PRIMA1: variants seen among roughly 807,000 people sequenced by gnomAD.
PRIMA1 encodes the protein proline-rich membrane anchor 1.
PRIMA1 carries 7 observed loss-of-function variants against 17.5 expected under a neutral mutation model. The observed-to-expected ratio is 0.40, with a 90% CI of 0.23 to 0.75. The LOEUF (loss-of-function observed/expected upper bound fraction) is 0.75. PRIMA1 is among the 30% of genes least tolerant of loss of function. The probability of loss-of-function intolerance (pLI) is 0.37; values close to 1 mark genes in which losing one functional copy is unlikely to be tolerated. For missense variants in PRIMA1, 200 were observed against 201.8 expected (o/e 0.99, Z 0.05); for synonymous variants, 97 against 77.9 (o/e 1.25, Z -1.29).
At chr14:93,775,291 G>A (rs1885179600) in intron 3 of PRIMA1, among the ~76,000 whole-genome samples, 2 of 152,224 alleles carry the variant, frequency 1.3e-5, no homozygotes, top group Non-Finnish European at 2.9e-5. Flanking sequence ...CCACTGGACT[G>A]TGAACTCCAT....
intron 3 of PRIMA1, among the ~76,000 whole-genome samples, chr14:93,751,757 A>G (rs1378277752): frequency 6.6e-6 from 1 of 152,222 alleles, no homozygotes; most frequent in African/African-American, 2.4e-5. Context: ...CTTTGTTAAA[A>G]AAGGAATAAA....
At chr14:93,759,493 G>A (rs1199843066) in intron 3 of PRIMA1, among the ~76,000 whole-genome samples, 1 of 152,090 alleles carries the variant, frequency 6.6e-6, no homozygotes, top group African/African-American at 2.4e-5. Flanking sequence ...GTGTGCGCGT[G>A]CATGTGTGCG....
chr14:93,786,749 G>T (rs74919144), intron 2 of PRIMA1, among the ~76,000 whole-genome samples: 2 of 152,026 alleles, frequency 1.3e-5, no homozygotes, highest in Admixed American at 6.6e-5. Flanking sequence ...GCAGAAGAAC[G>T]GCATTGCTAT....
chr14:93,746,726 G>A (rs1024311744), intron 3 of PRIMA1, among the ~76,000 whole-genome samples: 1 of 152,170 alleles, frequency 6.6e-6, no homozygotes, highest in African/African-American at 2.4e-5. Context: ...GCAGCGAGAT[G>A]GCGGGGCTCA....
At chr14:93,733,008 T>C (rs567166122) in intron 4 of PRIMA1, among the ~76,000 whole-genome samples, 122 of 152,246 alleles carry the variant, frequency 8.0e-4, no homozygotes, top group African/African-American at 2.8e-3. Flanking sequence ...CTGCTCTCCA[T>C]GTGGCTGTAG....
At chr14:93,753,230 G>A (rs2076271463) in intron 3 of PRIMA1, among the ~76,000 whole-genome samples, 1 of 152,228 alleles carries the variant, frequency 6.6e-6, no homozygotes. Flanking sequence ...GACATTCTGA[G>A]ATTCCAAGCC....
chr14:93,782,913 C>A (rs1039538306), intron 2 of PRIMA1, among the ~76,000 whole-genome samples: 1 of 152,340 alleles, frequency 6.6e-6, no homozygotes, highest in Admixed American at 6.5e-5. Context: ...GGTGTTCATG[C>A]AAGAACAGGA....
chr14:93,751,442 C>A (rs574926856), intron 3 of PRIMA1, among the ~76,000 whole-genome samples: 1 of 152,164 alleles, frequency 6.6e-6, no homozygotes, highest in East Asian at 1.9e-4. Context: ...AAAATTCTTG[C>A]GTTAGGGTCT....
At chr14:93,782,744 T>A (rs35410336) in intron 2 of PRIMA1, among the ~76,000 whole-genome samples, 16,540 of 152,282 alleles carry the variant, frequency 0.11, 1,126 homozygotes, top group Admixed American at 0.21. Flanking sequence ...GGTCCGTCCT[T>A]ATGCCTGACG....
intron 3 of PRIMA1, among the ~76,000 whole-genome samples, chr14:93,762,674 G>T (rs1375782276): frequency 6.6e-6 from 1 of 152,116 alleles, no homozygotes; most frequent in Non-Finnish European, 1.5e-5. Context: ...TCTCATCTCA[G>T]CACAGCAGCC....
chr14:93,733,424 T>G (rs1047200714), intron 4 of PRIMA1, among the ~76,000 whole-genome samples: 4 of 152,154 alleles, frequency 2.6e-5, no homozygotes, highest in Non-Finnish European at 4.4e-5. Context: ...TGGACACAGA[T>G]GTGAGGGCCC....
At chr14:93,774,102 A>T (rs1885141866) in intron 3 of PRIMA1, among the ~76,000 whole-genome samples, 1 of 152,132 alleles carries the variant, frequency 6.6e-6, no homozygotes, top group Non-Finnish European at 1.5e-5. Flanking sequence ...AAAAAAAAAG[A>T]AAAAAAATTC....
intron 3 of PRIMA1, among the ~76,000 whole-genome samples, chr14:93,770,469 T>G (rs1304750321): frequency 6.6e-6 from 1 of 152,174 alleles, no homozygotes; most frequent in Non-Finnish European, 1.5e-5. Flanking sequence ...GCCAGAGTGC[T>G]TCTCCACACG....
chr14:93,781,853 T>C (rs1885384452), intron 2 of PRIMA1, among the ~76,000 whole-genome samples: 1 of 151,780 alleles, frequency 6.6e-6, no homozygotes. Flanking sequence ...TGCACGCCTG[T>C]AGTCCCATCT....
At chr14:93,752,985 T>A (rs1013677102) in intron 3 of PRIMA1, among the ~76,000 whole-genome samples, 1 of 152,168 alleles carries the variant, frequency 6.6e-6, no homozygotes, top group African/African-American at 2.4e-5. Context: ...CCCTGGCCTC[T>A]ACCCACTACA....
In PRIMA1 at chr14:93,787,619, G is replaced by T. The variant is rs1282797760; in HGVS notation, c.93+7C>A. 1 of 1,540,618 alleles carries T rather than the reference G, an allele frequency of 6.5e-7. No individual in the cohort carries two copies. Among genetic ancestry groups the T allele is most frequent in the Non-Finnish European group, 8.7e-7 (1 of 1,146,772 alleles). The stretch of plus-strand genomic sequence containing the variant: ...CTCCCAGCCAGTGCGCAGCCGGCGC[G>T]TCTCACCTGCACGAAGCCCCAGAGC... On this transcript the variant is annotated splice_region_variant and intron_variant, in intron 2 of 4. Coordinates refer to ENST00000393140, the MANE Select transcript of PRIMA1 (RefSeq NM_178013.4).
At chr14:93,760,779 A>G (rs2076321518) in intron 3 of PRIMA1, among the ~76,000 whole-genome samples, 1 of 152,004 alleles carries the variant, frequency 6.6e-6, no homozygotes, top group African/African-American at 2.4e-5. Flanking sequence ...CTCTTAGCAA[A>G]CACTTGTTGG....
At chr14:93,744,185 C>CACAA (rs1346654386) in intron 3 of PRIMA1, among the ~76,000 whole-genome samples, 1 of 152,222 alleles carries the variant, frequency 6.6e-6, no homozygotes. Flanking sequence ...CCCAAAGCAC[C>CACAA]ACAAAGGACG....
intron 3 of PRIMA1, among the ~76,000 whole-genome samples, chr14:93,762,341 G>A (rs1884758434): frequency 1.3e-5 from 2 of 152,132 alleles, no homozygotes; most frequent in Non-Finnish European, 2.9e-5. Context: ...ATCCCTGCTG[G>A]GATTGGAGCT....
Sources: gnomAD v4.1 joint callset for allele counts (sites outside exome capture counted in the v4.1 genomes callset) on GRCh38, gnomAD v4.1.1 for gene constraint, MANE v1.5 for transcripts, NCBI Gene and HGNC (gene_info 2026-07-23, HGNC 2026-07-21) for gene names.